FOXP1: variants seen among roughly 807,000 people sequenced by gnomAD.
The protein encoded by FOXP1 is forkhead box protein P1.
Under a neutral mutation model 98.2 loss-of-function variants are expected in FOXP1, and 15 were observed. That is an observed-to-expected ratio of 0.15 (90% CI 0.10 to 0.24). FOXP1 has a LOEUF of 0.24. Ranked by LOEUF, FOXP1 falls within the 10% of genes least tolerant of loss-of-function variation. The probability of loss-of-function intolerance (pLI) is 1.00; values close to 1 mark genes in which losing one functional copy is unlikely to be tolerated. For missense variants in FOXP1, 633 were observed against 848.5 expected (o/e 0.75, Z 3.15); for synonymous variants, 371 against 314.5 (o/e 1.18, Z -1.90).
At chr3:71,501,418 C>T (rs2041347936) in intron 2 of FOXP1, among the ~76,000 whole-genome samples, 2 of 151,592 alleles carry the variant, frequency 1.3e-5, no homozygotes, top group Non-Finnish European at 2.9e-5. Flanking sequence ...CCTCAGCGTC[C>T]CGAGTAGCTG....
chr3:71,557,014 T>C (rs1179156624), intron 2 of FOXP1, among the ~76,000 whole-genome samples: 1 of 152,164 alleles, frequency 6.6e-6, no homozygotes, highest in East Asian at 1.9e-4. Flanking sequence ...GTTCATGATA[T>C]AATGTTAAGT....
At chr3:71,186,976 G>T (rs1030596943) in intron 6 of FOXP1, among the ~76,000 whole-genome samples, 2 of 152,210 alleles carry the variant, frequency 1.3e-5, no homozygotes, top group Non-Finnish European at 2.9e-5. Context: ...CAGCATGAAC[G>T]CAGTTATAGG....
intron 3 of FOXP1, among the ~76,000 whole-genome samples, chr3:71,380,917 G>A (rs1560400070): frequency 6.6e-6 from 1 of 151,634 alleles, no homozygotes; most frequent in Admixed American, 6.6e-5. Flanking sequence ...CTTTCCATAT[G>A]ATTAATGTTT....
chr3:71,125,655 G>A (rs2059115655), intron 6 of FOXP1, among the ~76,000 whole-genome samples: 1 of 152,182 alleles, frequency 6.6e-6, no homozygotes, highest in Non-Finnish European at 1.5e-5. Flanking sequence ...ATGATCTTTT[G>A]AACTTCCAGT....
chr3:71,507,250 C>G (rs749002294), intron 2 of FOXP1, among the ~76,000 whole-genome samples: 16 of 152,094 alleles, frequency 1.1e-4, no homozygotes, highest in Non-Finnish European at 1.8e-4. Context: ...AAACTGACAC[C>G]GCCTTTCCAG....
chr3:71,127,458 C>T (rs972111243), intron 6 of FOXP1, among the ~76,000 whole-genome samples: 1 of 152,160 alleles, frequency 6.6e-6, no homozygotes, highest in Non-Finnish European at 1.5e-5. Context: ...AAAAAAAATA[C>T]ATCCTTTGAC....
chr3:71,146,450 T>C (rs1411399145), intron 6 of FOXP1, among the ~76,000 whole-genome samples: 3 of 151,982 alleles, frequency 2.0e-5, no homozygotes, highest in Non-Finnish European at 4.4e-5. Flanking sequence ...AATACTGTTG[T>C]CTCCTGAGAT....
intron 4 of FOXP1, among the ~76,000 whole-genome samples, chr3:71,350,536 A>G (rs1332558197): frequency 6.6e-6 from 1 of 152,166 alleles, no homozygotes; most frequent in Non-Finnish European, 1.5e-5. Context: ...GGATGGTTGA[A>G]GAGAAGAATG....
At chr3:70,962,309 A>T (rs2033737946) in intron 20 of FOXP1, among the ~76,000 whole-genome samples, 1 of 152,120 alleles carries the variant, frequency 6.6e-6, no homozygotes, top group Non-Finnish European at 1.5e-5. Context: ...ACTTTTATCC[A>T]TTAATCTTTC....
chr3:71,323,707 A>G (rs1177552992), intron 4 of FOXP1, among the ~76,000 whole-genome samples: 1 of 152,230 alleles, frequency 6.6e-6, no homozygotes, highest in Non-Finnish European at 1.5e-5. Context: ...GGGACACAGA[A>G]TAGTTTTCAC....
At chr3:71,439,099 C>A (rs1488808020) in intron 3 of FOXP1, among the ~76,000 whole-genome samples, 1 of 152,246 alleles carries the variant, frequency 6.6e-6, no homozygotes, top group Non-Finnish European at 1.5e-5. Flanking sequence ...ACTGCCTATG[C>A]AGGTGGCAGA....
chr3:71,241,007 G>A (rs565909593), intron 5 of FOXP1, among the ~76,000 whole-genome samples: 4 of 151,244 alleles, frequency 2.6e-5, no homozygotes, highest in South Asian at 2.1e-4. Context: ...TCAGGAGTTC[G>A]AGACCAGCCT....
Position 71,053,621 on chromosome 3 carries a change from A to C in FOXP1, c.420+15T>G. On this transcript the variant is annotated intron_variant, in intron 8 of 20. Transcript: ENST00000649528. The stretch of plus-strand genomic sequence containing the variant: ...TCTGGGGGAGACAGGCTGGAGGTGG[A>C]GGAAGGACAATTACCTGTTGAAGCA... 6.2e-7 allele frequency: 1 copy of C among 1,613,904 alleles called. No homozygotes were observed. Among genetic ancestry groups the C allele is most frequent in the Admixed American group, 1.7e-5 (1 of 60,012 alleles).
intron 5 of FOXP1, among the ~76,000 whole-genome samples, chr3:71,278,611 T>C (rs2071173262): frequency 6.6e-6 from 1 of 152,000 alleles, no homozygotes; most frequent in South Asian, 2.1e-4. Context: ...TGAAACCCCA[T>C]CTCTACTACA....
At chr3:71,373,227 G>A (rs1274517014) in intron 3 of FOXP1, among the ~76,000 whole-genome samples, 1 of 152,068 alleles carries the variant, frequency 6.6e-6, no homozygotes, top group Non-Finnish European at 1.5e-5. Flanking sequence ...CCTAAAAGCT[G>A]ACAAAATCTT....
intron 5 of FOXP1, among the ~76,000 whole-genome samples, chr3:71,256,634 G>A (rs57835745): frequency 0.022 from 3,358 of 152,058 alleles, 127 homozygotes; most frequent in African/African-American, 0.077. Flanking sequence ...CACCTGCCTC[G>A]GCCTCCCAAA....
At chr3:71,098,840 G>A (rs2056707769) in intron 7 of FOXP1, among the ~76,000 whole-genome samples, 1 of 152,174 alleles carries the variant, frequency 6.6e-6, no homozygotes, top group Admixed American at 6.5e-5. Flanking sequence ...ATTTTTAGAA[G>A]ACCATGACCC....
chr3:71,408,423 C>G (rs2082499311), intron 3 of FOXP1, among the ~76,000 whole-genome samples: 1 of 152,086 alleles, frequency 6.6e-6, no homozygotes, highest in African/African-American at 2.4e-5. Context: ...CGCACACAGC[C>G]GTTACCATGC....
chr3:71,270,948 T>C (rs990298746), intron 5 of FOXP1, among the ~76,000 whole-genome samples: 1 of 152,252 alleles, frequency 6.6e-6, no homozygotes, highest in Non-Finnish European at 1.5e-5. Flanking sequence ...AGAATACTTC[T>C]AGCTGGGTGT....
Sources: gnomAD v4.1 joint callset for allele counts (sites outside exome capture counted in the v4.1 genomes callset) on GRCh38, gnomAD v4.1.1 for gene constraint, MANE v1.5 for transcripts, NCBI Gene and HGNC (gene_info 2026-07-23, HGNC 2026-07-21) for gene names.